ASAH2: variants seen among roughly 807,000 people sequenced by gnomAD.
ASAH2 encodes the protein neutral ceramidase.
In ASAH2, 58 loss-of-function variants were observed where a neutral mutation model predicts 82.9. The ratio of observed to expected loss-of-function variants is 0.70; its 90% CI spans 0.57 to 0.87. The LOEUF (loss-of-function observed/expected upper bound fraction) is 0.87, where lower values mean the gene tolerates loss of function less well. Among genes scored for constraint, ASAH2 ranks in the 40% least tolerant of loss-of-function variants. ASAH2 has a pLI of 0.00. For missense variants in ASAH2, 779 were observed against 834.0 expected, an observed-to-expected ratio of 0.93 and a Z score of 0.81; for synonymous variants, 276 against 289.7, an observed-to-expected ratio of 0.95 and a Z score of 0.48.
intron 2 of ASAH2, among the ~76,000 whole-genome samples, chr10:50,247,101 C>T (rs1386579632): frequency 6.6e-6 from 1 of 152,146 alleles, no homozygotes; most frequent in Admixed American, 6.5e-5. Flanking sequence ...AATAACCTCC[C>T]TGAGTCTCAG....
intron 14 of ASAH2, among the ~76,000 whole-genome samples, chr10:50,204,560 TG>T (rs1845243949): frequency 6.6e-6 from 1 of 152,056 alleles, no homozygotes; most frequent in South Asian, 2.1e-4. Context: ...TTCAAGTACC[TG>T]TATTTTAATA....
intron 5 of ASAH2, among the ~76,000 whole-genome samples, chr10:50,235,150 C>T (rs1724603192): frequency 6.6e-6 from 1 of 151,998 alleles, no homozygotes; most frequent in African/African-American, 2.4e-5. Flanking sequence ...TTTTGCAATC[C>T]ATGAAATTGA....
At chr10:50,194,561 G>T (rs1317864919) in intron 18 of ASAH2, among the ~76,000 whole-genome samples, 1 of 150,778 alleles carries the variant, frequency 6.6e-6, no homozygotes, top group Non-Finnish European at 1.5e-5. Context: ...TTGGAAACAA[G>T]ACAAGAGTGT....
intron 7 of ASAH2, among the ~76,000 whole-genome samples, chr10:50,225,826 C>T (rs1237249326): frequency 2.6e-5 from 4 of 152,120 alleles, no homozygotes; most frequent in African/African-American, 4.8e-5. Flanking sequence ...TGTGGTGGCT[C>T]ACAATTGTAA....
intron 4 of ASAH2, among the ~76,000 whole-genome samples, chr10:50,237,524 C>T (rs1421613783): frequency 1.3e-5 from 2 of 152,206 alleles, no homozygotes; most frequent in African/African-American, 4.8e-5. Context: ...CCTTGAACAA[C>T]ATTTATTATT....
chr10:50,192,946 G>A (rs1343698669), intron 18 of ASAH2, among the ~76,000 whole-genome samples: 2 of 30,832 alleles, frequency 6.5e-5, no homozygotes, highest in South Asian at 2.6e-3. Flanking sequence ...ATCTAGAGCT[G>A]TAGTTTATAT....
intron 1 of ASAH2, among the ~76,000 whole-genome samples, chr10:50,250,618 A>G (rs1215522441): frequency 6.6e-6 from 1 of 152,170 alleles, no homozygotes; most frequent in African/African-American, 2.4e-5. Context: ...GTTTTTGCTC[A>G]GGGCTTTGGT....
At chr10:50,210,773 C>T (rs2133206494) in intron 12 of ASAH2, 50 bp downstream of exon 12, 2 of 1,400,752 alleles carry the variant, frequency 1.4e-6, no homozygotes, top group Non-Finnish European at 2.0e-6. Flanking sequence ...AGAACAGAAC[C>T]CAGAAGCTTC....
At chr10:50,237,787 A>G (rs960302904) in intron 4 of ASAH2, among the ~76,000 whole-genome samples, 1 of 152,150 alleles carries the variant, frequency 6.6e-6, no homozygotes, top group South Asian at 2.1e-4. Flanking sequence ...TTTTTTGTGA[A>G]AGATAATTAA....
Position 50,185,327 on chromosome 10 carries a change from A to T in ASAH2, c.*1988T>A, listed in dbSNP as rs1420364003. The stretch of plus-strand genomic sequence containing the variant: ...CATAGAACTGCATGCCCTAGAAGAA[A>T]TGACAGCTGGTGAGAAAATAGGTTT... On this transcript the variant is annotated 3_prime_UTR_variant, in exon 21 of 21. Coordinates refer to ENST00000682911, the MANE Select transcript of ASAH2 (RefSeq NM_019893.4). The T allele has an allele frequency of 2.7e-4, 39 of 143,102 alleles. No homozygotes were observed. Among genetic ancestry groups the T allele is most frequent in the Admixed American group, 6.3e-4 (9 of 14,210 alleles). 8.9% of individuals were successfully genotyped at this position (143,102 alleles called of 1,614,324 possible). A position where few individuals can be genotyped will look rare whatever the true frequency, so the allele number is the denominator to read the frequency against.
At chr10:50,204,632 T>A (rs1346499130) in intron 14 of ASAH2, among the ~76,000 whole-genome samples, 2 of 151,992 alleles carry the variant, frequency 1.3e-5, no homozygotes, top group Admixed American at 6.6e-5. Flanking sequence ...TGGGATAAGT[T>A]TTTTTTAATT....
chr10:50,203,620 T>C lies in ASAH2; in HGVS notation c.1665+20A>G. 1.9e-6 allele frequency: 3 copies of C among 1,605,718 alleles called. No homozygotes were observed. In the East Asian group the frequency reaches 6.7e-5, roughly 36 times the overall value. On this transcript the variant is annotated intron_variant, in intron 15 of 20. Transcript: ENST00000682911. ...CACCAAACATGAACATGTAGATATGTTATTTTATTTTTAACTTACTGCTTG... is the reference window on the plus strand; with the variant it reads ...CACCAAACATGAACATGTAGATATGCTATTTTATTTTTAACTTACTGCTTG...
Position 50,209,028 on chromosome 10 carries a change from A to G in ASAH2, c.1414+1795T>C, listed in dbSNP as rs973397503. The stretch of plus-strand genomic sequence containing the variant: ...AATTTTTAACAAGTGTGCCAAGATT[A>G]TAGAATGGGTAAATAATAATCTTTC... On this transcript the variant is annotated intron_variant, in intron 12 of 20. Coordinates refer to ENST00000682911, the MANE Select transcript of ASAH2 (RefSeq NM_019893.4). 1.5e-3 allele frequency among the ~76,000 whole-genome samples: 227 copies of G among 152,326 alleles called. 3 individuals carry two copies. Among genetic ancestry groups the G allele is most frequent in the African/African-American group, 5.3e-3 (219 of 41,580 alleles).
At chr10:50,234,899 A>G (rs1009729168) in intron 5 of ASAH2, among the ~76,000 whole-genome samples, 110 of 152,228 alleles carry the variant, frequency 7.2e-4, no homozygotes, top group African/African-American at 2.6e-3. Context: ...TACAACACTA[A>G]TACAAGTTTT....
chr10:50,245,146 C>A (rs1297686867), intron 3 of ASAH2, 76 bp downstream of exon 3: 2 of 1,221,930 alleles, frequency 1.6e-6, no homozygotes, highest in African/African-American at 1.5e-5. Context: ...TTGTAATAAT[C>A]AGAAATGAAT....
At chr10:50,236,145 C>G in intron 4 of ASAH2, 81 bp from the exon 5 acceptor site, 3 of 1,217,850 alleles carry the variant, frequency 2.5e-6, no homozygotes, top group Non-Finnish European at 3.7e-6. Context: ...TGAGTTCAAT[C>G]ACTGATCCAT....
In ASAH2 at chr10:50,234,496, T is replaced by G; in HGVS notation, c.744A>C (p.Gly248=). The change falls in exon 6 of 21, where the codon GGA becomes GGC. Residue 248 remains glycine, a synonymous_variant. Transcript: ENST00000682911. The part of the protein sequence containing the change: ...MKPGKIFINK[G]NVDGVQINRS... ...TGTTGATCTGCACACCATCCACATT[T>G]CCTTTATTGATGAAGATTTTGCCTG... 6.2e-7 allele frequency: 1 copy of G among 1,613,038 alleles called. No homozygotes were observed. The highest frequency in any genetic ancestry group is 8.5e-7 in the Non-Finnish European group (1 of 1,179,274).
At chr10:50,209,748 A>G (rs970101520) in intron 12 of ASAH2, among the ~76,000 whole-genome samples, 30 of 152,222 alleles carry the variant, frequency 2.0e-4, no homozygotes, top group East Asian at 1.9e-4. Context: ...ACATTTCTCC[A>G]AGGGAGATAT....
chr10:50,243,742 C>T (rs1465005816), intron 3 of ASAH2, among the ~76,000 whole-genome samples: 1 of 152,150 alleles, frequency 6.6e-6, no homozygotes, highest in Non-Finnish European at 1.5e-5. Context: ...TAAGGTACTA[C>T]AGGAAAAAAT....
Sources: gnomAD v4.1 joint callset for allele counts (sites outside exome capture counted in the v4.1 genomes callset) on GRCh38, gnomAD v4.1.1 for gene constraint, MANE v1.5 for transcripts, NCBI Gene and HGNC (gene_info 2026-07-23, HGNC 2026-07-21) for gene names.